RAPH1: variants seen among roughly 807,000 people sequenced by gnomAD.
The protein encoded by RAPH1 is ras-associated and pleckstrin homology domains-containing protein 1.
RAPH1 carries 18 observed loss-of-function variants against 88.1 expected under a neutral mutation model. The observed-to-expected ratio is 0.20, with a 90% confidence interval of 0.14 to 0.30. RAPH1 has a LOEUF of 0.30. Ranked by LOEUF, RAPH1 falls within the 10% of genes least tolerant of loss-of-function variation. The pLI, the probability that RAPH1 is intolerant of heterozygous loss-of-function variation, is 1.00. For missense variants in RAPH1, 1,448 were observed against 1,543.2 expected, an observed-to-expected ratio of 0.94 and a Z score of 1.03; for synonymous variants, 587 against 559.0, an observed-to-expected ratio of 1.05 and a Z score of -0.71.
intron 4 of RAPH1, among the ~76,000 whole-genome samples, chr2:203,479,229 T>C (rs1559474304): frequency 1.3e-5 from 2 of 152,230 alleles, no homozygotes; most frequent in East Asian, 3.8e-4. Context: ...AATTTTTCTT[T>C]AAAAAATCTA....
intron 2 of RAPH1, among the ~76,000 whole-genome samples, chr2:203,491,738 C>T (rs1688277188): frequency 6.6e-6 from 1 of 152,150 alleles, no homozygotes; most frequent in Non-Finnish European, 1.5e-5. Context: ...AAACTTCTGG[C>T]CTCAAGTGAT....
chr2:203,468,159 C>G (rs995518669), intron 4 of RAPH1, among the ~76,000 whole-genome samples: 2 of 152,128 alleles, frequency 1.3e-5, no homozygotes, highest in African/African-American at 4.8e-5. Flanking sequence ...CATTGTCTGG[C>G]ACATAGTAGA....
chr2:203,529,155 T>C (rs910610371), intron 1 of RAPH1, among the ~76,000 whole-genome samples: 1 of 151,342 alleles, frequency 6.6e-6, no homozygotes. Context: ...AATTTTTGTA[T>C]ATTTTGTAGA....
At chr2:203,506,782 A>G (rs1165096927) in intron 1 of RAPH1, among the ~76,000 whole-genome samples, 1 of 70,380 alleles carries the variant, frequency 1.4e-5, no homozygotes, top group Non-Finnish European at 2.8e-5. Context: ...ATATATATCT[A>G]GATATATATA....
rs1469344221 is a variant in RAPH1 at position 203,434,079 on chromosome 2, T to TATAG, written c.*5357_*5358insCTAT. 1,067 of 150,442 alleles carry TATAG rather than the reference T, an allele frequency of 7.1e-3. 17 individuals carry two copies. The highest frequency in any genetic ancestry group is 0.024 in the African/African-American group (983 of 40,570). 9.3% of individuals were successfully genotyped at this position (150,442 alleles called of 1,614,324 possible). A position where few individuals can be genotyped will look rare whatever the true frequency, so the allele number is the denominator to read the frequency against. Reference sequence around the variant, plus strand: ...ATCTATATATATATATATATATATATAGCTTTGCACAATCAGGGAGCAAGG... The same window carrying TATAG: ...ATCTATATATATATATATATATATATATAGAGCTTTGCACAATCAGGGAGCAAGG... On this transcript the variant is annotated 3_prime_UTR_variant, in exon 14 of 14. Coordinates refer to ENST00000319170, the MANE Select transcript of RAPH1 (RefSeq NM_213589.3).
At chr2:203,498,945 A>G (rs949308963) in intron 1 of RAPH1, among the ~76,000 whole-genome samples, 3 of 150,144 alleles carry the variant, frequency 2.0e-5, no homozygotes, top group African/African-American at 7.3e-5. Context: ...ACAATTGTCT[A>G]TAGTGTTCAG....
At chr2:203,455,370 A>G in intron 9 of RAPH1, 67 bp downstream of exon 9, 1 of 1,454,684 alleles carries the variant, frequency 6.9e-7, no homozygotes, top group Non-Finnish European at 9.5e-7. Flanking sequence ...CCTTGTCAGC[A>G]TACTCAATAC....
chr2:203,481,495 AGC>A (rs1284085883), intron 4 of RAPH1, among the ~76,000 whole-genome samples: 9 of 151,712 alleles, frequency 5.9e-5, no homozygotes, highest in Admixed American at 1.3e-4. Context: ...GATATTATAT[AGC>A]CGGTAAATCT....
At chr2:203,489,541 A>G in intron 4 of RAPH1, 43 bp downstream of exon 4, 1 of 1,367,222 alleles carries the variant, frequency 7.3e-7, no homozygotes, top group Non-Finnish European at 9.7e-7. Flanking sequence ...TTTCTCCTTT[A>G]TTTTAATAAC....
rs569146060 is a variant in RAPH1, at chr2:203,448,690, A to T, written c.1512+48T>A. 6 of 1,312,908 alleles carry T rather than the reference A, an allele frequency of 4.6e-6. No homozygotes were observed. In the South Asian group the frequency reaches 5.4e-5, roughly 12 times the overall value. The allele number at this position is 1,312,908 out of a possible 1,614,324, so 81.3% of individuals were successfully genotyped here. On this transcript the variant is annotated intron_variant, in intron 11 of 13. Coordinates refer to ENST00000319170, the MANE Select transcript of RAPH1 (RefSeq NM_213589.3). This position sits in a 1 kb window ranked among gnomAD's most constrained non-coding sequence, Gnocchi z 4.1. ...TTGTCATGAAAACGAAAACTATATCATCGACAAACACCTCATTATTCCATC... is the reference window on the plus strand; with the variant it reads ...TTGTCATGAAAACGAAAACTATATCTTCGACAAACACCTCATTATTCCATC...
intron 4 of RAPH1, among the ~76,000 whole-genome samples, chr2:203,467,405 T>C (rs1307415357): frequency 6.6e-6 from 1 of 151,182 alleles, no homozygotes; most frequent in Admixed American, 6.6e-5. Flanking sequence ...AGCCTAGCCA[T>C]GATAGCGAAA....
intron 1 of RAPH1, among the ~76,000 whole-genome samples, chr2:203,522,471 A>T (rs950263166): frequency 6.6e-6 from 1 of 152,232 alleles, no homozygotes. Flanking sequence ...AATATTATCA[A>T]TGCCTATTCT....
At position 203,437,457 on chromosome 2, in the gene RAPH1, C is replaced by T. The variant is rs1046736084; in HGVS notation, c.*1980G>A. On this transcript the variant is annotated 3_prime_UTR_variant, in exon 14 of 14. Coordinates refer to ENST00000319170, the MANE Select transcript of RAPH1 (RefSeq NM_213589.3). ...AATCACAGTAGCGCTTGGCAATCTA[C>T]TCAAACATTACCCAAATTTCTGTGC... is the stretch of plus-strand genomic sequence containing the variant. 3 of 152,228 alleles carry T rather than the reference C, an allele frequency of 2.0e-5. No homozygotes were observed. The highest frequency in any genetic ancestry group is 7.2e-5 in the African/African-American group (3 of 41,454). The allele number at this position is 152,228 out of a possible 1,614,324, so 9.4% of individuals were successfully genotyped here. A position where few individuals can be genotyped will look rare whatever the true frequency, so the allele number is the denominator to read the frequency against.
intron 1 of RAPH1, among the ~76,000 whole-genome samples, chr2:203,503,242 T>C (rs1688819110): frequency 6.6e-6 from 1 of 152,192 alleles, no homozygotes; most frequent in Admixed American, 6.5e-5. Context: ...TAATATTGGA[T>C]ATTCTTAATC....
At chr2:203,483,317 T>C (rs1475490487) in intron 4 of RAPH1, among the ~76,000 whole-genome samples, 1 of 152,192 alleles carries the variant, frequency 6.6e-6, no homozygotes, top group Non-Finnish European at 1.5e-5. Context: ...ATTGGCTTGG[T>C]GGCAGTGAAG....
intron 1 of RAPH1, among the ~76,000 whole-genome samples, chr2:203,505,329 G>C (rs1688937364): frequency 6.6e-6 from 1 of 152,112 alleles, no homozygotes; most frequent in African/African-American, 2.4e-5. Flanking sequence ...GGTGGCAAGA[G>C]AAAATGTGGA....
chr2:203,528,216 T>A (rs965038348), intron 1 of RAPH1, among the ~76,000 whole-genome samples: 2 of 151,834 alleles, frequency 1.3e-5, no homozygotes, highest in Non-Finnish European at 2.9e-5. Flanking sequence ...TAAAGGTAAA[T>A]GAGACATTTT....
At chr2:203,449,104 T>C (rs1218654288) in intron 10 of RAPH1, among the ~76,000 whole-genome samples, 1 of 152,258 alleles carries the variant, frequency 6.6e-6, no homozygotes, top group African/African-American at 2.4e-5. Context: ...CAAACGTTCC[T>C]TCTACATTTC....
Position 203,434,679 on chromosome 2 carries a change from C to A in RAPH1, c.*4758G>T, listed in dbSNP as rs1050014403. 1 of 152,290 alleles carries A rather than the reference C, an allele frequency of 6.6e-6. No homozygotes were observed. Among genetic ancestry groups the A allele is most frequent in the South Asian group, 2.1e-4 (1 of 4,816 alleles). 9.4% of individuals were successfully genotyped at this position (152,290 alleles called of 1,614,324 possible). ...CAGTTTGCAAAATATAAGGGTTTCTCCCCCTTTAGTGCTGCAGACAAGTTT... is the reference window on the plus strand; with the variant it reads ...CAGTTTGCAAAATATAAGGGTTTCTACCCCTTTAGTGCTGCAGACAAGTTT... On this transcript the variant is annotated 3_prime_UTR_variant, in exon 14 of 14. Transcript: ENST00000319170.
Sources: gnomAD v4.1 joint callset for allele counts (sites outside exome capture counted in the v4.1 genomes callset) on GRCh38, gnomAD v4.1.1 for gene constraint, Gnocchi (gnomAD v3.1) non-coding constraint, MANE v1.5 for transcripts, NCBI Gene and HGNC (gene_info 2026-07-23, HGNC 2026-07-21) for gene names.